The following COL22A1 variants were observed in gnomAD, a reference collection of about 807,000 sequenced individuals.
The protein encoded by COL22A1 is collagen alpha-1(XXII) chain.
COL22A1 carries 221 observed loss-of-function variants against 248.9 expected under a neutral mutation model. The ratio of observed to expected loss-of-function variants is 0.89; its 90% CI spans 0.80 to 0.99. COL22A1 has a LOEUF of 0.99. Among genes scored for constraint, COL22A1 ranks in the 50% least tolerant of loss-of-function variants. The pLI is 0.00. For missense variants in COL22A1, 2,240 were observed against 2,179.0 expected, an observed-to-expected ratio of 1.03 and a Z score of -0.56; for synonymous variants, 891 against 793.4, an observed-to-expected ratio of 1.12 and a Z score of -2.07.
Position 138,878,138 on chromosome 8 carries a change from G to C in COL22A1, c.270C>G (p.Phe90Leu), listed in dbSNP as rs770455783. 1 of 1,605,918 alleles carries C rather than the reference G, an allele frequency of 6.2e-7. No individual in the cohort carries two copies. Among genetic ancestry groups the C allele is most frequent in the Non-Finnish European group, 8.5e-7 (1 of 1,177,014 alleles). ...CCTGCGAGCCAAAGAGTCCCAACTCGAAGGCCGTGGTGGGCCGGTCGCTGT... is the reference window on the plus strand; with the variant it reads ...CCTGCGAGCCAAAGAGTCCCAACTCCAAGGCCGTGGTGGGCCGGTCGCTGT... Reference protein sequence around the residue: ...VRYSDRPTTAFELGLFGSQEE... With the variant: ...VRYSDRPTTALELGLFGSQEE... The change falls in exon 3 of 65, where the codon TTC (phenylalanine) becomes TTG (leucine). Residue 90 changes from phenylalanine (F) to leucine (L), a missense_variant. Phe to Leu is a conservative substitution (Grantham distance 22, BLOSUM62 0). Transcript: ENST00000303045.
intron 23 of COL22A1, among the ~76,000 whole-genome samples, chr8:138,726,372 C>T (rs1405460969): frequency 6.6e-6 from 1 of 151,872 alleles, no homozygotes; most frequent in East Asian, 1.9e-4. Context: ...GGGCTCTTGC[C>T]TGTAGTCCCA....
intron 12 of COL22A1, among the ~76,000 whole-genome samples, chr8:138,787,861 T>A (rs1345558847): frequency 6.6e-6 from 1 of 152,094 alleles, no homozygotes; most frequent in Non-Finnish European, 1.5e-5. Flanking sequence ...AAATTATCCA[T>A]CTCCTCTCAC....
Position 138,598,589 on chromosome 8 carries a change from C to T in COL22A1, c.4365+130G>A, listed in dbSNP as rs925068757. On this transcript the variant is annotated intron_variant, in intron 61 of 64. Transcript: ENST00000303045. The stretch of plus-strand genomic sequence containing the variant: ...AGATTCAGAGAGGAAAAGTAGCCTG[C>T]CCCAGGTCATACCTTCAGTCACTAG... 11 of 849,836 alleles carry T rather than the reference C, an allele frequency of 1.3e-5. 1 individual carries two copies. Among genetic ancestry groups the T allele is most frequent in the East Asian group, 5.2e-5 (2 of 38,686 alleles). The allele number at this position is 849,836 out of a possible 1,614,324, so 52.6% of individuals were successfully genotyped here.
At chr8:138,868,850 T>C (rs1325313372) in intron 3 of COL22A1, among the ~76,000 whole-genome samples, 2 of 151,842 alleles carry the variant, frequency 1.3e-5, no homozygotes, top group Non-Finnish European at 2.9e-5. Context: ...CCTGCCTCAG[T>C]CTCCTGAGTA....
chr8:138,901,373 T>TG (rs1239041791), intron 1 of COL22A1, among the ~76,000 whole-genome samples: 2 of 138,564 alleles, frequency 1.4e-5, no homozygotes, highest in African/African-American at 5.1e-5. Flanking sequence ...TTTTTTGTTT[T>TG]TTTTTTTTTT....
rs576809962 is a variant in COL22A1, at chr8:138,887,043, C to A, written c.-72-3799G>T. Among the ~76,000 whole-genome samples the A allele has an allele frequency of 1.2e-4, 19 of 152,190 alleles. 1 individual carries two copies. The highest frequency in any genetic ancestry group is 4.6e-4 in the African/African-American group (19 of 41,516). ...GGTATCCATCCCCTCAAGCACTTAT[C>A]CTTCGAGTCACAAGCAATCCAACTA... On this transcript the variant is annotated intron_variant, in intron 1 of 64. Coordinates refer to ENST00000303045, the MANE Select transcript of COL22A1 (RefSeq NM_152888.3).
At chr8:138,869,457 C>T (rs1044344562) in intron 3 of COL22A1, among the ~76,000 whole-genome samples, 1 of 152,128 alleles carries the variant, frequency 6.6e-6, no homozygotes, top group Non-Finnish European at 1.5e-5. Context: ...CGCACAAGCT[C>T]GTTGCTTCTA....
At chr8:138,874,846 G>A (rs1015127666) in intron 3 of COL22A1, among the ~76,000 whole-genome samples, 5 of 152,254 alleles carry the variant, frequency 3.3e-5, no homozygotes, top group African/African-American at 1.2e-4. Flanking sequence ...TTGTGGTCTG[G>A]CAAGAGAACT....
At chr8:138,876,565 A>T (rs372270797) in intron 3 of COL22A1, among the ~76,000 whole-genome samples, 1 of 152,248 alleles carries the variant, frequency 6.6e-6, no homozygotes, top group Non-Finnish European at 1.5e-5. Flanking sequence ...AAAAGAGCCA[A>T]CACAGAGAAA....
chr8:138,696,139 G>A (rs1013980061), intron 32 of COL22A1, among the ~76,000 whole-genome samples: 1 of 152,198 alleles, frequency 6.6e-6, no homozygotes, highest in African/African-American at 2.4e-5. Flanking sequence ...AAGAGAAACA[G>A]CACAGGTTTG....
At chr8:138,826,538 CTCTA>C (rs1381637532) in intron 6 of COL22A1, 116 bp downstream of exon 6, 1 of 1,082,448 alleles carries the variant, frequency 9.2e-7, no homozygotes, top group Non-Finnish European at 1.4e-6. Context: ...ACGCCAGGCT[CTCTA>C]TCTCTCTAGG....
chr8:138,782,685 G>T (rs1351275683), intron 12 of COL22A1, among the ~76,000 whole-genome samples: 1 of 152,162 alleles, frequency 6.6e-6, no homozygotes, highest in Non-Finnish European at 1.5e-5. Context: ...TGTGAAGTGT[G>T]GATATTGTTA....
chr8:138,832,146 AT>A (rs1820092005), intron 5 of COL22A1, among the ~76,000 whole-genome samples: 1 of 152,170 alleles, frequency 6.6e-6, no homozygotes. Flanking sequence ...AAGTTACCCT[AT>A]ATAGTCCAAA....
intron 33 of COL22A1, 127 bp downstream of exon 33, chr8:138,694,699 G>A: frequency 7.3e-7 from 1 of 1,374,542 alleles, no homozygotes. Flanking sequence ...GAGAAGAAAG[G>A]GCTGCCTTCC....
intron 3 of COL22A1, among the ~76,000 whole-genome samples, chr8:138,873,891 T>C (rs376102377): frequency 6.6e-6 from 1 of 152,218 alleles, no homozygotes; most frequent in South Asian, 2.1e-4. Context: ...ACTCAATGAC[T>C]ACTACATCAA....
Position 138,878,012 on chromosome 8 carries a change from G to T in COL22A1, c.396C>A (p.His132Gln), listed in dbSNP as rs375825444. 6.3e-7 allele frequency: 1 copy of T among 1,586,880 alleles called. No individual in the cohort carries two copies. The highest frequency in any genetic ancestry group is 8.6e-7 in the Non-Finnish European group (1 of 1,166,922). ...CGCGGTCCCTGGGGCGGCCGCCGGC[G>T]TGTGGGGAGAAGCTGCGGGCCGTGA... ...RYITARSFSP[H>Q]AGGRPRDRAY... The change falls in exon 3 of 65, where the codon CAC becomes CAA. Residue 132 changes from histidine (H) to glutamine (Q), a missense_variant. His to Gln is a conservative substitution (Grantham distance 24). Transcript: ENST00000303045.
intron 12 of COL22A1, among the ~76,000 whole-genome samples, chr8:138,782,430 C>G (rs1435171089): frequency 1.3e-5 from 2 of 152,250 alleles, no homozygotes; most frequent in Admixed American, 6.5e-5. Context: ...GTTGCCCAGG[C>G]AGGCCTCAAA....
chr8:138,869,887 G>T (rs1041845709), intron 3 of COL22A1, among the ~76,000 whole-genome samples: 48 of 152,150 alleles, frequency 3.2e-4, no homozygotes, highest in Non-Finnish European at 5.9e-4. Context: ...GGGAACAGCT[G>T]GGTGGGTCAC....
At position 138,685,219 on chromosome 8, in the gene COL22A1, C is replaced by T. The variant is rs766606957; in HGVS notation, c.2956G>A (p.Asp986Asn). 8.7e-6 allele frequency: 14 copies of T among 1,611,994 alleles called. No individual in the cohort carries two copies. The highest frequency in any genetic ancestry group is 1.2e-5 in the Non-Finnish European group (14 of 1,178,376). ...GACCTTCCACTTACCGGCTCTCCAT[C>T]CTTCCCTTTTCCGGGTGGCCCAGGG... ...GLPGPPGKGK[D>N]GEPGLRGSPG... Residue 986 changes from aspartate to asparagine, a missense_variant, in exon 38 of 65, where the codon GAT becomes AAT. By Grantham distance (23) the Asp-to-Asn change is conservative. Transcript: ENST00000303045.
Sources: allele counts gnomAD v4.1 joint callset (sites outside exome capture counted in the v4.1 genomes callset), GRCh38; gene constraint gnomAD v4.1.1; transcripts MANE v1.5; gene names NCBI Gene and HGNC (gene_info 2026-07-23, HGNC 2026-07-21).